The following CGGBP1 variants were observed in gnomAD, a reference collection of about 807,000 sequenced individuals.
The protein encoded by CGGBP1 is CGG triplet repeat-binding protein 1.
Under a neutral mutation model 11.4 loss-of-function variants are expected in CGGBP1, and 4 were observed. That is an observed-to-expected ratio of 0.35 (90% CI 0.17 to 0.80). CGGBP1 has a LOEUF of 0.80. Among genes scored for constraint, CGGBP1 ranks in the 30% least tolerant of loss-of-function variants. The probability of loss-of-function intolerance (pLI) is 0.52; values close to 1 mark genes in which losing one functional copy is unlikely to be tolerated. For synonymous variants in CGGBP1, 76 were observed against 74.1 expected, an observed-to-expected ratio of 1.03 and a Z score of -0.13; for missense variants, 135 against 202.1, an observed-to-expected ratio of 0.67 and a Z score of 2.01.
intron 1 of CGGBP1, among the ~76,000 whole-genome samples, chr3:88,147,642 C>A (rs3890707): frequency 0.78 from 119,253 of 152,216 alleles, 47,635 homozygotes; most frequent in South Asian, 0.91. Context: ...TCCTTAGTTG[C>A]ACTAAACAGT....
chr3:88,090,014 C>T (rs530911271), intron 2 of CGGBP1, among the ~76,000 whole-genome samples: 7 of 152,248 alleles, frequency 4.6e-5, no homozygotes, highest in East Asian at 1.9e-4. Flanking sequence ...AACAAACCTA[C>T]GGCTCTGCCA....
upstream of CGGBP1, among the ~76,000 whole-genome samples, chr3:88,062,915 T>G (rs1196168779): frequency 6.6e-6 from 1 of 152,256 alleles, no homozygotes; most frequent in African/African-American, 2.4e-5. Flanking sequence ...ACATTAGAGA[T>G]AATCTGTAGG....
intron 2 of CGGBP1, among the ~76,000 whole-genome samples, chr3:88,133,233 T>G (rs180998663): frequency 1.1e-4 from 16 of 152,270 alleles, no homozygotes; most frequent in Admixed American, 9.2e-4. Context: ...CTTTGTGTTT[T>G]AGGGCTTTTC....
intron 2 of CGGBP1, among the ~76,000 whole-genome samples, chr3:88,116,561 T>C (rs58223193): frequency 0.79 from 119,301 of 150,856 alleles, 47,895 homozygotes; most frequent in South Asian, 0.91. Context: ...TACATATATA[T>C]ACACACACAC....
intron 2 of CGGBP1, among the ~76,000 whole-genome samples, chr3:88,094,310 G>GC (rs1178148164): frequency 6.6e-6 from 1 of 152,064 alleles, no homozygotes; most frequent in Non-Finnish European, 1.5e-5. Flanking sequence ...GTTGTGACTA[G>GC]CATCTTTTCC....
chr3:88,147,674 T>A (rs1428333266), intron 1 of CGGBP1, among the ~76,000 whole-genome samples: 1 of 152,254 alleles, frequency 6.6e-6, no homozygotes, highest in African/African-American at 2.4e-5. Flanking sequence ...AAGAACCACA[T>A]GTGTCTGATA....
intron 2 of CGGBP1, among the ~76,000 whole-genome samples, chr3:88,077,494 G>T (rs1360955909): frequency 1.2e-5 from 1 of 86,846 alleles, no homozygotes; most frequent in Non-Finnish European, 2.7e-5. Flanking sequence ...CACCACGCCC[G>T]GCTAATTTTT....
In CGGBP1 at chr3:88,053,156, C is replaced by T. The variant is rs571381265; in HGVS notation, c.*2317G>A. On this transcript the variant is annotated 3_prime_UTR_variant, in exon 4 of 4. Transcript: ENST00000482016. ...AAGCAGCATATGCCTCTTAGACATCCTCATTTGTTATCTAACATATGCCAA... is the reference window on the plus strand; with the variant it reads ...AAGCAGCATATGCCTCTTAGACATCTTCATTTGTTATCTAACATATGCCAA... The T allele has an allele frequency of 2.0e-4, 31 of 152,446 alleles. No individual in the cohort carries two copies. The highest frequency in any genetic ancestry group is 5.8e-4 in the African/African-American group (24 of 41,560). The allele number at this position is 152,446 out of a possible 1,614,324, so 9.4% of individuals were successfully genotyped here. A position where few individuals can be genotyped will look rare whatever the true frequency, so the allele number is the denominator to read the frequency against.
chr3:88,139,062 T>C (rs912174851), intron 2 of CGGBP1: 11 of 1,261,906 alleles, frequency 8.7e-6, no homozygotes, highest in Non-Finnish European at 1.1e-5. Context: ...TGTAGCATTA[T>C]TGAGTGATAA....
chr3:88,127,913 T>G (rs1275465269), intron 2 of CGGBP1, among the ~76,000 whole-genome samples: 2 of 152,206 alleles, frequency 1.3e-5, no homozygotes, highest in African/African-American at 4.8e-5. Flanking sequence ...AGTGTTTGCA[T>G]ATCATATATT....
rs190727110 is a variant in CGGBP1 at position 88,071,590 on chromosome 3, C to T, written c.-228-13367G>A. 5.3e-5 allele frequency among the ~76,000 whole-genome samples: 8 copies of T among 152,234 alleles called. No homozygotes were observed. In the South Asian group the frequency reaches 1.5e-3, roughly 28 times the overall value. On this transcript the variant is annotated intron_variant, in intron 2 of 3. Coordinates refer to the CGGBP1 transcript ENST00000462901. ...GGCGGAGCTTGCAGTGAGCTGAGAT[C>T]GCGCCACTGCACTCCAGCCTGGGTG...
intron 1 of CGGBP1, chr3:88,141,690 G>A (rs909175087): frequency 1.4e-5 from 21 of 1,466,822 alleles, no homozygotes; most frequent in Non-Finnish European, 1.9e-5. Context: ...TCAAGCAGTA[G>A]TGTGAAAAAA....
intron 2 of CGGBP1, among the ~76,000 whole-genome samples, chr3:88,072,157 C>G (rs1344611179): frequency 6.6e-6 from 1 of 152,120 alleles, no homozygotes; most frequent in Non-Finnish European, 1.5e-5. Context: ...ACCATCCTTG[C>G]TCTAAAGGAA....
chr3:88,137,107 A>G lies in CGGBP1; in HGVS notation c.-229+3863T>C, dbSNP rs374029259. On this transcript the variant is annotated intron_variant, in intron 2 of 3. Coordinates refer to the CGGBP1 transcript ENST00000462901. Reference sequence around the variant, plus strand: ...CTACTGGGGAGGCTGAGGCAGGAGAATTGCTTGAACCCGGGAGGCAGAGGT... The same window carrying G: ...CTACTGGGGAGGCTGAGGCAGGAGAGTTGCTTGAACCCGGGAGGCAGAGGT... Among the ~76,000 whole-genome samples the G allele has an allele frequency of 5.9e-3, 801 of 136,658 alleles. 5 individuals carry two copies. The highest frequency in any genetic ancestry group is 0.018 in the African/African-American group (687 of 37,770). 89.7% of individuals were successfully genotyped at this position (136,658 alleles called of 152,430 possible). A position where few individuals can be genotyped will look rare whatever the true frequency, so the allele number is the denominator to read the frequency against.
At chr3:88,092,907 G>A (rs2078611895) in intron 2 of CGGBP1, among the ~76,000 whole-genome samples, 1 of 152,112 alleles carries the variant, frequency 6.6e-6, no homozygotes, top group African/African-American at 2.4e-5. Flanking sequence ...AGTTTTGCTA[G>A]TGTTGTCTAC....
intron 2 of CGGBP1, among the ~76,000 whole-genome samples, chr3:88,075,159 G>A (rs371168270): frequency 2.1e-4 from 32 of 152,192 alleles, no homozygotes; most frequent in East Asian, 9.6e-4. Flanking sequence ...TTTCTTCTGT[G>A]TTTTCCTGGC....
intron 2 of CGGBP1, chr3:88,126,308 G>A (rs1218977743): frequency 7.0e-7 from 1 of 1,421,440 alleles, no homozygotes; most frequent in Non-Finnish European, 9.2e-7. Context: ...ACATTTGTGA[G>A]AAGCAAATAC....
chr3:88,056,327 T>C (rs531518157), intron 3 of CGGBP1: 43 of 177,676 alleles, frequency 2.4e-4, no homozygotes, highest in Admixed American at 6.5e-4. Flanking sequence ...GGATATAAAT[T>C]ACATTCAGGA....
At chr3:88,089,221 G>A (rs1451573207) in intron 2 of CGGBP1, among the ~76,000 whole-genome samples, 1 of 149,326 alleles carries the variant, frequency 6.7e-6, no homozygotes, top group African/African-American at 2.4e-5. Flanking sequence ...CCCGGGTGCG[G>A]TGGCTCACGC....
Sources: gnomAD v4.1 joint callset for allele counts (sites outside exome capture counted in the v4.1 genomes callset) on GRCh38, gnomAD v4.1.1 for gene constraint, MANE v1.5 for transcripts, NCBI Gene and HGNC (gene_info 2026-07-23, HGNC 2026-07-21) for gene names.